The following ORC3 variants were observed in gnomAD, a reference collection of about 807,000 sequenced individuals.
ORC3 encodes origin recognition complex subunit 3.
In ORC3, 78 loss-of-function variants were observed where a neutral mutation model predicts 100.7. The observed-to-expected ratio is 0.77, with a 90% CI of 0.65 to 0.94. The LOEUF (loss-of-function observed/expected upper bound fraction) is 0.94. Ranked by LOEUF, ORC3 falls within the 40% of genes least tolerant of loss-of-function variation. The pLI is 0.00. For synonymous variants in ORC3, 295 were observed against 289.3 expected (o/e 1.02, Z -0.20); for missense variants, 789 against 823.9 (o/e 0.96, Z 0.52).
At chr6:87,658,379 C>G (rs1769889514) in intron 16 of ORC3, among the ~76,000 whole-genome samples, 1 of 151,970 alleles carries the variant, frequency 6.6e-6, no homozygotes, top group South Asian at 2.1e-4. Flanking sequence ...ATGGCATGAA[C>G]CCAGGAGGCG....
At chr6:87,609,323 A>ATC (rs1778577498) in intron 7 of ORC3, 94 bp downstream of exon 7, 1 of 791,728 alleles carries the variant, frequency 1.3e-6, no homozygotes, top group Admixed American at 3.0e-5. Flanking sequence ...TTTAATACCA[A>ATC]CTGGATAAAA....
chr6:87,621,953 C>T lies in ORC3; in HGVS notation c.1125C>T (p.Tyr375=), dbSNP rs200082103. 10 of 1,600,414 alleles carry T rather than the reference C, an allele frequency of 6.2e-6. No homozygotes were observed. The highest frequency in any genetic ancestry group is 2.7e-5 in the African/African-American group (2 of 74,488). Residue 375 remains tyrosine, a synonymous_variant, in exon 11 of 20, where the codon TAC becomes TAT. Coordinates refer to ENST00000392844, the MANE Select transcript of ORC3 (RefSeq NM_012381.4). ...TATGGAATGGTGAAAATTCTAGGTACGTGGAAAAGCAAGCTTCAGAAAAGC... is the reference window on the plus strand; with the variant it reads ...TATGGAATGGTGAAAATTCTAGGTATGTGGAAAAGCAAGCTTCAGAAAAGC... ...NIRRLPSFRR[Y]VEKQASEKQV... is the part of the protein sequence containing the mutation.
At position 87,667,179 on chromosome 6, in the gene ORC3, C is replaced by CA; in HGVS notation, c.*57dup. ...ATTTAGCTTAAGAGAAAAAGGTGACCAGTCATATTTACATATATTAGAGGA... is the reference window on the plus strand; with the variant it reads ...ATTTAGCTTAAGAGAAAAAGGTGACCAAGTCATATTTACATATATTAGAGGA... On this transcript the variant is annotated 3_prime_UTR_variant, in exon 20 of 20. Transcript: ENST00000392844. 1 of 1,059,470 alleles carries CA rather than the reference C, an allele frequency of 9.4e-7. No homozygotes were observed. Among genetic ancestry groups the CA allele is most frequent in the Non-Finnish European group, 1.4e-6 (1 of 702,524 alleles). 65.6% of individuals were successfully genotyped at this position (1,059,470 alleles called of 1,614,324 possible).
chr6:87,654,203 G>C (rs1421584914), intron 14 of ORC3, among the ~76,000 whole-genome samples: 3 of 151,932 alleles, frequency 2.0e-5, no homozygotes, highest in Non-Finnish European at 4.4e-5. Context: ...AAATCTTTTG[G>C]CTTTAGGAAA....
At chr6:87,600,604 A>G (rs185604927) in intron 2 of ORC3, among the ~76,000 whole-genome samples, 16 of 152,336 alleles carry the variant, frequency 1.1e-4, no homozygotes, top group East Asian at 5.8e-4. Flanking sequence ...AAACAGTTCA[A>G]GACTGGTAGG....
intron 5 of ORC3, among the ~76,000 whole-genome samples, chr6:87,606,591 C>A (rs1402842057): frequency 6.6e-6 from 1 of 151,720 alleles, no homozygotes; most frequent in Non-Finnish European, 1.5e-5. Flanking sequence ...ACTACAGTAG[C>A]ATGATCATAG....
chr6:87,670,925 A>C (rs1170039639), downstream of ORC3, among the ~76,000 whole-genome samples: 1 of 152,148 alleles, frequency 6.6e-6, no homozygotes, highest in Admixed American at 6.6e-5. Flanking sequence ...GTGGTGAAAA[A>C]ATTTTCCATG....
At chr6:87,639,140 A>C (rs907586338) in intron 13 of ORC3, among the ~76,000 whole-genome samples, 2 of 152,276 alleles carry the variant, frequency 1.3e-5, no homozygotes, top group South Asian at 4.1e-4. Flanking sequence ...ACATATGGCA[A>C]ATATTCCAAA....
Position 87,664,869 on chromosome 6 carries a change from A to G in ORC3, c.1950+10A>G, listed in dbSNP as rs1217194606. 2 of 1,514,818 alleles carry G rather than the reference A, an allele frequency of 1.3e-6. No individual in the cohort carries two copies. The highest frequency in any genetic ancestry group is 1.8e-5 in the Admixed American group (1 of 56,580). 93.8% of individuals were successfully genotyped at this position (1,514,818 alleles called of 1,614,324 possible). ...CGTGGACTGGTCAGAGGTAGGTTGT[A>G]GGGAAAAGAACAAGCTAGATATTTT... On this transcript the variant is annotated intron_variant, in intron 18 of 19. Transcript: ENST00000392844.
chr6:87,607,356 G>T (rs1483333478), intron 5 of ORC3, among the ~76,000 whole-genome samples: 5 of 151,960 alleles, frequency 3.3e-5, no homozygotes, highest in Non-Finnish European at 1.5e-5. Context: ...GCTTGAACCC[G>T]GGAGGCAGAG....
chr6:87,618,874 A>G lies in ORC3; in HGVS notation c.987+2447A>G, dbSNP rs182681346. ...GATTGGAGGTTAGTACCGTTTATTA[A>G]CTGTACATGTTAATACATAGCAAAG... On this transcript the variant is annotated intron_variant, in intron 9 of 19. Transcript: ENST00000392844. Among the ~76,000 whole-genome samples the G allele has an allele frequency of 2.7e-3, 408 of 152,256 alleles. 1 individual carries two copies. Among genetic ancestry groups the G allele is most frequent in the African/African-American group, 8.8e-3 (366 of 41,552 alleles).
intron 1 of ORC3, among the ~76,000 whole-genome samples, chr6:87,592,582 T>C (rs1487133212): frequency 1.3e-5 from 2 of 151,874 alleles, no homozygotes; most frequent in African/African-American, 2.4e-5. Context: ...TGAGCCAAGA[T>C]TGTGCCATTG....
At chr6:87,644,526 C>A (rs1217348266) in intron 13 of ORC3, among the ~76,000 whole-genome samples, 1 of 152,056 alleles carries the variant, frequency 6.6e-6, no homozygotes, top group Non-Finnish European at 1.5e-5. Context: ...CATAGTGAAA[C>A]CCTGTCTGTA....
intron 5 of ORC3, 27 bp downstream of exon 5, chr6:87,606,048 TTGA>T (rs746378073): frequency 8.6e-7 from 1 of 1,162,646 alleles, no homozygotes; most frequent in Non-Finnish European, 1.3e-6. Context: ...CATAATAACC[TTGA>T]TGAGATGTTA....
intron 2 of ORC3, among the ~76,000 whole-genome samples, chr6:87,597,563 T>A (rs909576714): frequency 1.3e-5 from 2 of 152,124 alleles, no homozygotes; most frequent in Non-Finnish European, 2.9e-5. Context: ...GAATTAAGCA[T>A]ACCCATGTAC....
chr6:87,627,257 G>A (rs977366778), intron 11 of ORC3, among the ~76,000 whole-genome samples: 3 of 143,382 alleles, frequency 2.1e-5, no homozygotes, highest in South Asian at 2.2e-4. Context: ...CCTCGGCCCC[G>A]CAAAGTGCTG....
chr6:87,641,943 A>G (rs1768289583), intron 13 of ORC3, among the ~76,000 whole-genome samples: 1 of 152,144 alleles, frequency 6.6e-6, no homozygotes, highest in African/African-American at 2.4e-5. Context: ...CTTCCTAATA[A>G]TCTAACTTAT....
At chr6:87,637,391 A>G (rs1767907515) in intron 13 of ORC3, among the ~76,000 whole-genome samples, 1 of 152,014 alleles carries the variant, frequency 6.6e-6, no homozygotes, top group East Asian at 1.9e-4. Context: ...CTGGAAAAAT[A>G]CCTCCCCATG....
At chr6:87,616,133 C>T (rs1035009514) in intron 8 of ORC3, among the ~76,000 whole-genome samples, 181 bp from the exon 9 acceptor site, 3 of 151,818 alleles carry the variant, frequency 2.0e-5, no homozygotes, top group African/African-American at 7.3e-5. Flanking sequence ...CTTTTTGTTA[C>T]TCTTGTATAA....
Sources: allele counts gnomAD v4.1 joint callset (sites outside exome capture counted in the v4.1 genomes callset), GRCh38; gene constraint gnomAD v4.1.1; transcripts MANE v1.5; gene names NCBI Gene and HGNC (gene_info 2026-07-23, HGNC 2026-07-21).